The following CDC6 variants were observed in gnomAD, a reference collection of about 807,000 sequenced individuals.
The protein encoded by CDC6 is cell division cycle 6, also known as DNA replication factor CDC6.
A neutral mutation model predicts 60.2 loss-of-function variants in CDC6; 46 were observed. The ratio of observed to expected loss-of-function variants is 0.76; its 90% CI spans 0.60 to 0.98. The LOEUF is 0.98. Among genes scored for constraint, CDC6 ranks in the 50% least tolerant of loss-of-function variants. The pLI is 0.00. For missense variants in CDC6, 596 were observed against 652.9 expected, an observed-to-expected ratio of 0.91 and a Z score of 0.95; for synonymous variants, 210 against 233.2, an observed-to-expected ratio of 0.90 and a Z score of 0.90.
At chr17:40,295,153 TCTA>T (rs1205544209) in intron 7 of CDC6, among the ~76,000 whole-genome samples, 200 bp from the exon 8 acceptor site, 1 of 152,232 alleles carries the variant, frequency 6.6e-6, no homozygotes, top group African/African-American at 2.4e-5. Context: ...TTTATGAACT[TCTA>T]CTGCATCCGT....
At chr17:40,299,443 G>A (rs942834302) in intron 9 of CDC6, among the ~76,000 whole-genome samples, 2 of 151,116 alleles carry the variant, frequency 1.3e-5, no homozygotes, top group Non-Finnish European at 2.9e-5. Context: ...ATAGGCCCCA[G>A]TGTGTGTTGT....
chr17:40,292,528 G>A (rs187616291), intron 4 of CDC6, among the ~76,000 whole-genome samples: 12 of 152,178 alleles, frequency 7.9e-5, no homozygotes, highest in African/African-American at 2.2e-4. Context: ...CCAGCTACTC[G>A]GGAGGCTGAG....
chr17:40,290,969 C>A, intron 2 of CDC6, 89 bp from the exon 3 acceptor site: 1 of 1,333,390 alleles, frequency 7.5e-7, no homozygotes, highest in Non-Finnish European at 1.1e-6. Flanking sequence ...GGTAGAAATT[C>A]ACCTCTTTCT....
Position 40,301,460 on chromosome 17 carries a change from C to T in CDC6, c.1453-8C>T. 6.2e-7 allele frequency: 1 copy of T among 1,613,770 alleles called. No homozygotes were observed. Among genetic ancestry groups the T allele is most frequent in the Non-Finnish European group, 8.5e-7 (1 of 1,179,668 alleles). On this transcript the variant is annotated splice_region_variant and splice_polypyrimidine_tract_variant and intron_variant, in intron 10 of 11. Transcript: ENST00000209728. ...AAGCAGCGTTTGTTCTCCCTTGTTT[C>T]CTACCAGTTATATGAAGCCTACAGT...
Position 40,301,512 on chromosome 17 carries a change from G to A in CDC6, c.1497G>A (p.Ala499=), listed in dbSNP as rs1184874724. 1.2e-5 allele frequency: 20 copies of A among 1,613,544 alleles called. No homozygotes were observed. Among genetic ancestry groups the A allele is most frequent in the Middle Eastern group, 1.6e-4 (1 of 6,076 alleles). Residue 499 remains alanine, a synonymous_variant, in exon 11 of 12, where the codon GCG becomes GCA. Coordinates refer to ENST00000209728, the MANE Select transcript of CDC6 (RefSeq NM_001254.4). The part of the protein sequence containing the change: ...YSKVCRKQQV[A]AVDQSECLSL... Reference sequence around the variant, plus strand: ...AAGTCTGTCGCAAACAGCAGGTGGCGGCTGTGGACCAGTCAGAGTGTTTGT... The same window carrying A: ...AAGTCTGTCGCAAACAGCAGGTGGCAGCTGTGGACCAGTCAGAGTGTTTGT...
At chr17:40,299,783 C>T (rs2032911875) in intron 9 of CDC6, among the ~76,000 whole-genome samples, 1 of 151,610 alleles carries the variant, frequency 6.6e-6, no homozygotes, top group African/African-American at 2.4e-5. Flanking sequence ...GTGCTATCTG[C>T]TAGCATATCC....
intron 2 of CDC6, 101 bp from the exon 3 acceptor site, chr17:40,290,957 A>G (rs1355592942): frequency 4.1e-6 from 5 of 1,217,024 alleles, no homozygotes; most frequent in Non-Finnish European, 6.1e-6. Flanking sequence ...GGTTCTGACT[A>G]AGGTAGAAAT....
At chr17:40,301,714 G>A (rs1237265471) in intron 11 of CDC6, 106 bp downstream of exon 11, 1 of 1,282,312 alleles carries the variant, frequency 7.8e-7, no homozygotes, top group Non-Finnish European at 1.1e-6. Context: ...AGTTAAACAA[G>A]TCGTTTTTTG....
intron 2 of CDC6, 71 bp downstream of exon 2, chr17:40,289,669 C>A: frequency 9.2e-7 from 1 of 1,082,766 alleles, no homozygotes. Flanking sequence ...GATGTGTGTC[C>A]TTTGAAGGAG....
Position 40,294,498 on chromosome 17 carries a change from A to C in CDC6, c.1078A>C (p.Asn360His), listed in dbSNP as rs1482527038. The C allele has an allele frequency of 3.7e-6, 6 of 1,614,016 alleles. No individual in the cohort carries two copies. The East Asian group carries it at 1.3e-4, about 36-fold the overall frequency. ...QIVTILQDRL[N>H]QVSRDQVLDN... ...AGTCACTATTTTGCAAGATCGACTTAATCAGGTCAGTGCCAACTATTTTGC... is the reference window on the plus strand; with the variant it reads ...AGTCACTATTTTGCAAGATCGACTTCATCAGGTCAGTGCCAACTATTTTGC... Residue 360 changes from asparagine to histidine, a missense_variant, in exon 7 of 12, where the codon AAT (asparagine) becomes CAT (histidine). Asn to His is a moderately conservative substitution (Grantham distance 68). Transcript: ENST00000209728.
chr17:40,293,419 G>A (rs768423408), intron 4 of CDC6, 37 bp from the exon 5 acceptor site: 4 of 1,566,054 alleles, frequency 2.6e-6, no homozygotes, highest in Non-Finnish European at 3.5e-6. Flanking sequence ...ATTTTCTGAG[G>A]CCAAAATAAC....
chr17:40,291,302 G>T lies in CDC6; in HGVS notation c.423G>T (p.Lys141Asn), dbSNP rs749559391. Residue 141 changes from lysine to asparagine, a missense_variant, in exon 3 of 12, where the codon AAG becomes AAT. Coordinates refer to ENST00000209728, the MANE Select transcript of CDC6 (RefSeq NM_001254.4). ...TTNSEQRCPLKKESACVRLFK... is the reference protein window; with the variant it reads ...TTNSEQRCPLNKESACVRLFK... ...ATTCTGAGCAGAGATGTCCACTGAA[G>T]AAAGAATCTGCATGTGTGAGACTAT... The T allele has an allele frequency of 9.3e-6, 15 of 1,614,122 alleles. No homozygotes were observed. Among genetic ancestry groups the T allele is most frequent in the African/African-American group, 1.3e-5 (1 of 74,948 alleles).
Position 40,293,499 on chromosome 17 carries a change from C to G in CDC6, c.704C>G (p.Ser235Cys). Residue 235 changes from serine (S) to cysteine (C), a missense_variant, in exon 5 of 12, where the codon TCC (serine) becomes TGC (cysteine). By Grantham distance (112) the Ser-to-Cys change is moderately radical (BLOSUM62 -1). Coordinates refer to ENST00000209728, the MANE Select transcript of CDC6 (RefSeq NM_001254.4). ...AAAACTATCATGCTGAATTGCATGT[C>G]CTTGAGGACTGCCCAGGCTGTATTC... ...GFKTIMLNCM[S>C]LRTAQAVFPA... 1.2e-6 allele frequency: 2 copies of G among 1,613,922 alleles called. No homozygotes were observed. The highest frequency in any genetic ancestry group is 2.2e-5 in the South Asian group (2 of 91,078).
chr17:40,293,809 T>C, intron 5 of CDC6, 141 bp from the exon 6 acceptor site: 1 of 893,388 alleles, frequency 1.1e-6, no homozygotes, highest in Non-Finnish European at 1.9e-6. Context: ...TGGGGTATCC[T>C]TGTAGCAGTA....
In CDC6 at chr17:40,295,623, C is replaced by T. The variant is rs867108011; in HGVS notation, c.1184+167C>T. The T allele has an allele frequency of 1.0e-4, 63 of 621,630 alleles. 1 individual carries two copies. The Middle Eastern group carries it at 7.8e-3, about 77-fold the overall frequency. 38.5% of individuals were successfully genotyped at this position (621,630 alleles called of 1,614,324 possible). ...TCAGTGGGGAGCTCTGGATTTCCAC[C>T]GTGTTAATGTCTGAAACATTATCAG... On this transcript the variant is annotated intron_variant, in intron 8 of 11. Coordinates refer to ENST00000209728, the MANE Select transcript of CDC6 (RefSeq NM_001254.4).
rs2032948124 is a variant in CDC6 at position 40,302,045 on chromosome 17, A to G, written c.*44A>G. On this transcript the variant is annotated 3_prime_UTR_variant, in exon 12 of 12. Coordinates refer to ENST00000209728, the MANE Select transcript of CDC6 (RefSeq NM_001254.4). ...ACCCGAAAGTATTCAGCTGGCATTT[A>G]GAGAGCTACAGTCTTCATTTTAGTG... The G allele has an allele frequency of 9.2e-7, 1 of 1,083,598 alleles. No individual in the cohort carries two copies. The highest frequency in any genetic ancestry group is 2.4e-5 in the East Asian group (1 of 42,530). The allele number at this position is 1,083,598 out of a possible 1,614,324, so 67.1% of individuals were successfully genotyped here.
intron 3 of CDC6, 29 bp downstream of exon 3, chr17:40,291,368 C>T (rs768989663): frequency 3.7e-6 from 6 of 1,613,096 alleles, no homozygotes; most frequent in Non-Finnish European, 4.2e-6. Flanking sequence ...ACTGTTAGTG[C>T]AGCCATTGTA....
In CDC6 at chr17:40,301,627, G is replaced by T; in HGVS notation, c.1593+19G>T. ...GACAAAGGTACAACTGCTTTTTTGTGACAGTGTTTTTAATTGTCCTATTTT... is the reference window on the plus strand; with the variant it reads ...GACAAAGGTACAACTGCTTTTTTGTTACAGTGTTTTTAATTGTCCTATTTT... On this transcript the variant is annotated intron_variant, in intron 11 of 11. Coordinates refer to ENST00000209728, the MANE Select transcript of CDC6 (RefSeq NM_001254.4). 6.2e-7 allele frequency: 1 copy of T among 1,613,020 alleles called. No homozygotes were observed. The highest frequency in any genetic ancestry group is 8.5e-7 in the Non-Finnish European group (1 of 1,179,084).
Position 40,295,461 on chromosome 17 carries a change from GT to G in CDC6, c.1184+7del. 6.5e-7 allele frequency: 1 copy of G among 1,548,408 alleles called. No homozygotes were observed. Among genetic ancestry groups the G allele is most frequent in the Non-Finnish European group, 8.9e-7 (1 of 1,120,578 alleles). Reference sequence around the variant, plus strand: ...CAAAGCACTGGATGTTTGCAGGTGAGTTACGGCTCTGTTGCATTCTTTTATT... The same window carrying G: ...CAAAGCACTGGATGTTTGCAGGTGAGTACGGCTCTGTTGCATTCTTTTATT... On this transcript the variant is annotated splice_donor_region_variant and intron_variant, in intron 8 of 11. Coordinates refer to ENST00000209728, the MANE Select transcript of CDC6 (RefSeq NM_001254.4).
Sources: gnomAD v4.1 joint callset for allele counts (sites outside exome capture counted in the v4.1 genomes callset) on GRCh38, gnomAD v4.1.1 for gene constraint, MANE v1.5 for transcripts, NCBI Gene and HGNC (gene_info 2026-07-23, HGNC 2026-07-21) for gene names.